DNAL1: variants seen among roughly 807,000 people sequenced by gnomAD.
DNAL1 encodes chromosome 14 open reading frame 168.
In DNAL1, 17 loss-of-function variants were observed where a neutral mutation model predicts 29.4. The ratio of observed to expected loss-of-function variants is 0.58; its 90% CI spans 0.40 to 0.87. DNAL1 has a LOEUF of 0.87. Among genes scored for constraint, DNAL1 ranks in the 40% least tolerant of loss-of-function variants. The pLI is 0.00. For missense variants in DNAL1, 188 were observed against 214.1 expected (o/e 0.88, Z 0.76); for synonymous variants, 78 against 76.3 (o/e 1.02, Z -0.12).
At chr14:73,663,497 C>T (rs868521392) in intron 4 of DNAL1, among the ~76,000 whole-genome samples, 10 of 152,254 alleles carry the variant, frequency 6.6e-5, no homozygotes, top group South Asian at 2.1e-4. Flanking sequence ...TGAGCCACCA[C>T]GCCTGGCCAG....
chr14:73,656,715 T>A (rs778257106), intron 2 of DNAL1, among the ~76,000 whole-genome samples: 1 of 151,920 alleles, frequency 6.6e-6, no homozygotes, highest in Non-Finnish European at 1.5e-5. Flanking sequence ...CATGAGCCAC[T>A]GTGCCTGGCC....
chr14:73,657,511 T>C (rs1390595569), intron 2 of DNAL1, among the ~76,000 whole-genome samples: 1 of 152,238 alleles, frequency 6.6e-6, no homozygotes, highest in African/African-American at 2.4e-5. Flanking sequence ...AGTTCCTGCG[T>C]CAGATGAATA....
intron 1 of DNAL1, among the ~76,000 whole-genome samples, chr14:73,654,351 G>A (rs143605736): frequency 1.0e-3 from 153 of 152,200 alleles, no homozygotes; most frequent in African/African-American, 3.6e-3. Flanking sequence ...TTGATTTCAG[G>A]AAATTAAAAC....
At chr14:73,694,775 C>T (rs984398056) in intron 7 of DNAL1, among the ~76,000 whole-genome samples, 45 of 151,128 alleles carry the variant, frequency 3.0e-4, no homozygotes, top group Non-Finnish European at 6.2e-4. Flanking sequence ...CTGCAACCTC[C>T]GCCTCCCGGG....
chr14:73,684,533 T>C (rs959594710), intron 5 of DNAL1, among the ~76,000 whole-genome samples: 1 of 152,190 alleles, frequency 6.6e-6, no homozygotes, highest in African/African-American at 2.4e-5. Context: ...TCAAGCAACA[T>C]TGTGTTACCT....
chr14:73,693,801 G>A (rs1892231548), intron 7 of DNAL1, among the ~76,000 whole-genome samples: 1 of 152,104 alleles, frequency 6.6e-6, no homozygotes, highest in South Asian at 2.1e-4. Flanking sequence ...ACTGGCAGGG[G>A]GCCTGAGGCA....
chr14:73,662,170 C>A, intron 4 of DNAL1, 128 bp downstream of exon 4: 1 of 718,568 alleles, frequency 1.4e-6, no homozygotes, highest in Non-Finnish European at 2.3e-6. Context: ...TAATAGAATA[C>A]ATAAACTATG....
intron 1 of DNAL1, chr14:73,653,021 T>A (rs566982009): frequency 2.6e-5 from 4 of 152,320 alleles, no homozygotes; most frequent in Admixed American, 6.5e-5. Flanking sequence ...TATGGCTAGA[T>A]GCATCCTTAG....
intron 1 of DNAL1, among the ~76,000 whole-genome samples, chr14:73,646,755 C>T (rs1189180101): frequency 6.6e-6 from 1 of 152,034 alleles, no homozygotes; most frequent in Non-Finnish European, 1.5e-5. Context: ...GAGCAAGACC[C>T]TGTCTCAAAT....
intron 5 of DNAL1, among the ~76,000 whole-genome samples, chr14:73,685,404 A>G (rs1891996386): frequency 6.6e-6 from 1 of 152,106 alleles, no homozygotes; most frequent in South Asian, 2.1e-4. Flanking sequence ...AACTTAGCGT[A>G]ATATCCTCAA....
intron 5 of DNAL1, among the ~76,000 whole-genome samples, chr14:73,676,434 A>G (rs1387370635): frequency 7.1e-6 from 1 of 140,370 alleles, no homozygotes; most frequent in South Asian, 2.2e-4. Flanking sequence ...ATACAAATAA[A>G]TAGCTCTGTG....
Position 73,696,901 on chromosome 14 carries a change from A to G in DNAL1, c.*959A>G, listed in dbSNP as rs1014059042. On this transcript the variant is annotated 3_prime_UTR_variant, in exon 8 of 8. Coordinates refer to ENST00000553645, the MANE Select transcript of DNAL1 (RefSeq NM_031427.4). The stretch of plus-strand genomic sequence containing the variant: ...ATAATGAAACTTAGTATTTCAAAAT[A>G]TATTTTTTGAGAAGTTCTAAGTTAA... 1 of 152,222 alleles carries G rather than the reference A, an allele frequency of 6.6e-6. No individual in the cohort carries two copies. The highest frequency in any genetic ancestry group is 2.4e-5 in the African/African-American group (1 of 41,464). 9.4% of individuals were successfully genotyped at this position (152,222 alleles called of 1,614,324 possible).
Position 73,698,051 on chromosome 14 carries a change from A to G in DNAL1, c.*2109A>G, listed in dbSNP as rs944949569. 2.0e-5 allele frequency: 3 copies of G among 152,190 alleles called. No individual in the cohort carries two copies. Among genetic ancestry groups the G allele is most frequent in the African/African-American group, 7.2e-5 (3 of 41,434 alleles). 9.4% of individuals were successfully genotyped at this position (152,190 alleles called of 1,614,324 possible). A position where few individuals can be genotyped will look rare whatever the true frequency, so the allele number is the denominator to read the frequency against. ...AAAAGTAACCCTGGAAGTGAATATA[A>G]TAGGAAGTAAGTGATTTCATATTGA... On this transcript the variant is annotated 3_prime_UTR_variant, in exon 8 of 8. Transcript: ENST00000553645.
intron 4 of DNAL1, among the ~76,000 whole-genome samples, chr14:73,670,003 T>A (rs1297262269): frequency 6.6e-6 from 1 of 151,042 alleles, no homozygotes; most frequent in Non-Finnish European, 1.5e-5. Context: ...ACACACACAT[T>A]CACACACACA....
At chr14:73,665,789 CAAA>C (rs762807613) in intron 4 of DNAL1, among the ~76,000 whole-genome samples, 1 of 100,904 alleles carries the variant, frequency 9.9e-6, no homozygotes. Context: ...AGACTCATCT[CAAA>C]AAAAAAAAAA....
chr14:73,703,717 A>T lies in DNAL1; in HGVS notation c.*7775A>T, dbSNP rs926878353. On this transcript the variant is annotated 3_prime_UTR_variant, in exon 8 of 8. Transcript: ENST00000553645. ...CTGCACCCAGGTGAAATAAACAGCC[A>T]TGTTACTCACACAAAGCCTGTTTGG... 2 of 152,834 alleles carry T rather than the reference A, an allele frequency of 1.3e-5. No homozygotes were observed. The allele number at this position is 152,834 out of a possible 1,614,324, so 9.5% of individuals were successfully genotyped here.
At chr14:73,687,114 A>G in intron 5 of DNAL1, 145 bp from the exon 6 acceptor site, 1 of 916,354 alleles carries the variant, frequency 1.1e-6, no homozygotes. Flanking sequence ...GAAAAAAAAA[A>G]CCTCCCACAC....
chr14:73,675,869 G>T (rs933828387), intron 5 of DNAL1, among the ~76,000 whole-genome samples: 3 of 151,896 alleles, frequency 2.0e-5, no homozygotes, highest in African/African-American at 7.3e-5. Context: ...ACAAAAATTA[G>T]CCAGGCCTGG....
At chr14:73,677,884 T>TTGTGTGTGTGTGTGTGTGTGTG (rs566825653) in intron 5 of DNAL1, among the ~76,000 whole-genome samples, 1 of 96,130 alleles carries the variant, frequency 1.0e-5, no homozygotes, top group Non-Finnish European at 2.2e-5. Context: ...ATATATATAT[T>TTGTGTGTGTGTGTGTGTGTGTG]TGTGTGTGTG....
Sources: allele counts gnomAD v4.1 joint callset (sites outside exome capture counted in the v4.1 genomes callset), GRCh38; gene constraint gnomAD v4.1.1; transcripts MANE v1.5; gene names NCBI Gene and HGNC (gene_info 2026-07-23, HGNC 2026-07-21).